Variants in FAM13C observed in about 807,000 individuals in gnomAD.
FAM13C encodes family with sequence similarity 13 member C, also known as protein FAM13C.
In FAM13C, 37 loss-of-function variants were observed where a neutral mutation model predicts 73.2. The ratio of observed to expected loss-of-function variants is 0.51; its 90% confidence interval spans 0.39 to 0.67. The LOEUF (loss-of-function observed/expected upper bound fraction) is 0.67, where lower values mean the gene tolerates loss of function less well. Ranked by LOEUF, FAM13C falls within the 30% of genes least tolerant of loss-of-function variation. FAM13C has a pLI of 0.00. For synonymous variants in FAM13C, 246 were observed against 260.9 expected (o/e 0.94, Z 0.55); for missense variants, 589 against 715.6 (o/e 0.82, Z 2.02).
Position 59,252,805 on chromosome 10 carries a change from G to A in FAM13C, c.1526C>T (p.Ala509Val). ...ACTTAGGATTCATACTCACATGGTA[G>A]CCTCATGTAAATTAGACATGGAGAG... ...PALSMSNLHE[A>V]TMPVLLDHLR... Residue 509 changes from alanine to valine, a missense_variant, in exon 12 of 14, where the codon GCT (alanine) becomes GTT (valine). Coordinates refer to ENST00000618804, the MANE Select transcript of FAM13C (RefSeq NM_198215.4). The A allele has an allele frequency of 6.2e-7, 1 of 1,613,380 alleles. No individual in the cohort carries two copies. Among genetic ancestry groups the A allele is most frequent in the Non-Finnish European group, 8.5e-7 (1 of 1,179,584 alleles).
intron 3 of FAM13C, among the ~76,000 whole-genome samples, chr10:59,351,271 G>C (rs755053391): frequency 6.9e-4 from 102 of 148,690 alleles, no homozygotes; most frequent in Non-Finnish European, 1.3e-3. Flanking sequence ...GGTGGAGGTT[G>C]TAGTGACCTG....
chr10:59,263,918 A>G (rs1842764111), intron 9 of FAM13C, 167 bp downstream of exon 9: 1 of 644,856 alleles, frequency 1.6e-6, no homozygotes, highest in African/African-American at 1.8e-5. Flanking sequence ...GGGGCCAAAC[A>G]ATGACAGAGA....
chr10:59,318,806 G>GT (rs1187692327), intron 4 of FAM13C, among the ~76,000 whole-genome samples: 1 of 151,946 alleles, frequency 6.6e-6, no homozygotes, highest in Admixed American at 6.6e-5. Context: ...AAGGCAAGCT[G>GT]TTTTTTATCT....
In FAM13C at chr10:59,247,585, G is replaced by GT; in HGVS notation, c.*28dup. The GT allele has an allele frequency of 6.2e-7, 1 of 1,612,558 alleles. No homozygotes were observed. The highest frequency in any genetic ancestry group is 8.5e-7 in the Non-Finnish European group (1 of 1,179,346). Reference sequence around the variant, plus strand: ...AAATAAACTTTACTTTATATCATGGGTGAAAGTGATCATAACATTTCCTGA... The same window carrying GT: ...AAATAAACTTTACTTTATATCATGGGTTGAAAGTGATCATAACATTTCCTGA... On this transcript the variant is annotated 3_prime_UTR_variant, in exon 14 of 14. Coordinates refer to ENST00000618804, the MANE Select transcript of FAM13C (RefSeq NM_198215.4).
intron 3 of FAM13C, among the ~76,000 whole-genome samples, chr10:59,332,807 T>C (rs1034585028): frequency 6.6e-6 from 1 of 152,184 alleles, no homozygotes; most frequent in Non-Finnish European, 1.5e-5. Context: ...CTTATTCCTA[T>C]GCACAGAGCA....
At chr10:59,307,310 T>G (rs1283097806) in intron 4 of FAM13C, among the ~76,000 whole-genome samples, 2 of 152,086 alleles carry the variant, frequency 1.3e-5, no homozygotes, top group East Asian at 3.9e-4. Context: ...ACTTTTTGCT[T>G]CGTTATGTGC....
At chr10:59,290,550 C>G (rs1368783059) in intron 5 of FAM13C, among the ~76,000 whole-genome samples, 1 of 152,158 alleles carries the variant, frequency 6.6e-6, no homozygotes, top group Non-Finnish European at 1.5e-5. Flanking sequence ...CTGCTCTCTG[C>G]CCCCTCCTCC....
intron 10 of FAM13C, among the ~76,000 whole-genome samples, chr10:59,260,026 C>G (rs922880839): frequency 2.6e-5 from 4 of 152,104 alleles, no homozygotes; most frequent in African/African-American, 9.6e-5. Flanking sequence ...GTGTGCTCCT[C>G]TAGTTTTCTC....
rs768921251 is a variant in FAM13C at position 59,262,595 on chromosome 10, G to A, written c.1075C>T (p.Pro359Ser). ...EEQGSAPKGP[P>S]RNLLCEQPTV... is the part of the protein sequence containing the mutation. ...GGTTGCTCACACAACAGGTTTCTAGGTGGACCTTTGGGAGCACTCCCTTGT... is the reference window on the plus strand; with the variant it reads ...GGTTGCTCACACAACAGGTTTCTAGATGGACCTTTGGGAGCACTCCCTTGT... Residue 359 changes from proline to serine, a missense_variant, in exon 10 of 14, where the codon CCT becomes TCT. Physicochemically the swap from Pro to Ser is moderately conservative, Grantham distance 74. Coordinates refer to ENST00000618804, the MANE Select transcript of FAM13C (RefSeq NM_198215.4). The A allele has an allele frequency of 1.2e-6, 2 of 1,613,790 alleles. No individual in the cohort carries two copies. The highest frequency in any genetic ancestry group is 2.2e-5 in the East Asian group (1 of 44,878).
chr10:59,312,633 C>T (rs1849066135), intron 4 of FAM13C, among the ~76,000 whole-genome samples: 1 of 152,190 alleles, frequency 6.6e-6, no homozygotes. Flanking sequence ...CCCCATGCAG[C>T]GTGTCCACCA....
At chr10:59,303,288 A>G (rs1847815361) in intron 4 of FAM13C, among the ~76,000 whole-genome samples, 1 of 152,108 alleles carries the variant, frequency 6.6e-6, no homozygotes, top group South Asian at 2.1e-4. Flanking sequence ...CTAACTAGAC[A>G]AGACATGCCC....
At chr10:59,248,505 T>G (rs2052624633) in intron 13 of FAM13C, among the ~76,000 whole-genome samples, 1 of 152,184 alleles carries the variant, frequency 6.6e-6, no homozygotes, top group Non-Finnish European at 1.5e-5. Flanking sequence ...GGAAACGTTT[T>G]CTAAAGGGAA....
chr10:59,322,077 C>T (rs758556663), intron 4 of FAM13C, among the ~76,000 whole-genome samples: 11 of 152,176 alleles, frequency 7.2e-5, no homozygotes, highest in Admixed American at 1.3e-4. Flanking sequence ...CCTGGCCAGA[C>T]GCCTGCTTAA....
At chr10:59,339,304 C>G (rs549740764) in intron 3 of FAM13C, among the ~76,000 whole-genome samples, 1 of 152,182 alleles carries the variant, frequency 6.6e-6, no homozygotes, top group Non-Finnish European at 1.5e-5. Context: ...GGGGACACTA[C>G]TCAACCTACT....
intron 4 of FAM13C, among the ~76,000 whole-genome samples, chr10:59,316,163 G>A (rs1849504575): frequency 6.6e-6 from 1 of 152,062 alleles, no homozygotes; most frequent in African/African-American, 2.4e-5. Flanking sequence ...TCAAACTCCT[G>A]GCCTCAAGTG....
chr10:59,268,758 C>T, intron 7 of FAM13C, 67 bp from the exon 8 acceptor site: 1 of 1,543,396 alleles, frequency 6.5e-7, no homozygotes, highest in Non-Finnish European at 8.7e-7. Flanking sequence ...TTCTGTTGAT[C>T]TACAAACCAA....
chr10:59,300,977 T>C (rs1292779928), intron 5 of FAM13C: 1 of 152,220 alleles, frequency 6.6e-6, no homozygotes, highest in Non-Finnish European at 1.5e-5. Context: ...ATGTTTCCCA[T>C]TTGTGTTCCA....
chr10:59,323,934 T>TA, intron 4 of FAM13C, 54 bp downstream of exon 4: 2 of 1,332,822 alleles, frequency 1.5e-6, no homozygotes, highest in Non-Finnish European at 2.1e-6. Context: ...GCACACAGCA[T>TA]TTCTGAGAAA....
chr10:59,320,649 T>C (rs1301913624), intron 4 of FAM13C, among the ~76,000 whole-genome samples: 2 of 151,858 alleles, frequency 1.3e-5, no homozygotes, highest in Non-Finnish European at 2.9e-5. Flanking sequence ...GGAAGAAGAG[T>C]TATGGACAGA....
Sources: gnomAD v4.1 joint callset for allele counts (sites outside exome capture counted in the v4.1 genomes callset) on GRCh38, gnomAD v4.1.1 for gene constraint, MANE v1.5 for transcripts, NCBI Gene and HGNC (gene_info 2026-07-23, HGNC 2026-07-21) for gene names.